ZNF407: variants seen among roughly 807,000 people sequenced by gnomAD.
ZNF407 encodes zinc finger protein 407.
ZNF407 carries 17 observed loss-of-function variants against 131.2 expected under a neutral mutation model. The ratio of observed to expected loss-of-function variants is 0.13; its 90% CI spans 0.09 to 0.19. The LOEUF is 0.19. Ranked by LOEUF, ZNF407 falls within the 10% of genes least tolerant of loss-of-function variation. The pLI is 1.00. For synonymous variants in ZNF407, 1,156 were observed against 1,062.0 expected (o/e 1.09, Z -1.72); for missense variants, 2,681 against 2,830.6 (o/e 0.95, Z 1.20).
intron 3 of ZNF407, among the ~76,000 whole-genome samples, chr18:74,747,648 A>G (rs1968700800): frequency 6.6e-6 from 1 of 152,092 alleles, no homozygotes; most frequent in African/African-American, 2.4e-5. Context: ...CATCATTGCT[A>G]TTATTTGCCA....
chr18:74,682,052 G>C (rs1215201838), intron 3 of ZNF407, among the ~76,000 whole-genome samples: 2 of 152,160 alleles, frequency 1.3e-5, no homozygotes, highest in Non-Finnish European at 2.9e-5. Flanking sequence ...AAGATTATGA[G>C]CCCTTTATTA....
At chr18:74,656,106 G>C (rs879944068) in intron 3 of ZNF407, among the ~76,000 whole-genome samples, 12 of 151,872 alleles carry the variant, frequency 7.9e-5, no homozygotes, top group Admixed American at 4.6e-4. Flanking sequence ...CATTATAATA[G>C]AGGCAGATTA....
chr18:74,722,573 G>C (rs1968065191), intron 3 of ZNF407, among the ~76,000 whole-genome samples: 1 of 152,104 alleles, frequency 6.6e-6, no homozygotes, highest in Non-Finnish European at 1.5e-5. Context: ...CCTTGGCACA[G>C]AGCTCCAGTT....
Position 74,698,472 on chromosome 18 carries a change from G to A in ZNF407, c.4802+57350G>A, listed in dbSNP as rs1967412985. Among the ~76,000 whole-genome samples the A allele has an allele frequency of 2.0e-5, 3 of 152,150 alleles. No homozygotes were observed. The South Asian group carries it at 6.2e-4, about 32-fold the overall frequency. ...TGAGCTGGTTATATGTATTATGTGT[G>A]TATGTTTGATGTTTGCATCTTTTAG... On this transcript the variant is annotated intron_variant, in intron 3 of 8. Coordinates refer to ENST00000299687, the MANE Select transcript of ZNF407 (RefSeq NM_017757.3).
At chr18:74,806,411 G>A (rs1002261783) in intron 4 of ZNF407, among the ~76,000 whole-genome samples, 34 of 152,202 alleles carry the variant, frequency 2.2e-4, no homozygotes, top group African/African-American at 7.2e-4. Flanking sequence ...ATGCCAATGG[G>A]GGGTTGTAGG....
intron 8 of ZNF407, among the ~76,000 whole-genome samples, chr18:74,961,618 G>C (rs1020149317): frequency 6.6e-6 from 1 of 152,014 alleles, no homozygotes; most frequent in Non-Finnish European, 1.5e-5. Flanking sequence ...TACTCGGGAG[G>C]CTGAGGTGGA....
At chr18:74,936,384 G>A (rs1211253896) in intron 8 of ZNF407, among the ~76,000 whole-genome samples, 1 of 152,118 alleles carries the variant, frequency 6.6e-6, no homozygotes, top group Admixed American at 6.5e-5. Flanking sequence ...TGGCCTAAAG[G>A]GTTTGATATA....
chr18:74,629,476 T>C (rs1983950197), intron 1 of ZNF407, among the ~76,000 whole-genome samples: 1 of 152,226 alleles, frequency 6.6e-6, no homozygotes, highest in South Asian at 2.1e-4. Flanking sequence ...CAAAAATGTG[T>C]TCCCATTCTG....
chr18:74,606,252 A>G (rs1347311589), intron 1 of ZNF407, among the ~76,000 whole-genome samples: 1 of 152,202 alleles, frequency 6.6e-6, no homozygotes, highest in Non-Finnish European at 1.5e-5. Flanking sequence ...AAATGCAGCA[A>G]TTGATTTGTA....
intron 1 of ZNF407, among the ~76,000 whole-genome samples, chr18:74,629,937 C>T (rs559638878): frequency 1.3e-5 from 2 of 152,206 alleles, no homozygotes; most frequent in South Asian, 4.1e-4. Flanking sequence ...ATTAATTCTA[C>T]TCTACCACTG....
At chr18:74,728,166 G>A (rs1442867901) in intron 3 of ZNF407, among the ~76,000 whole-genome samples, 1 of 152,138 alleles carries the variant, frequency 6.6e-6, no homozygotes, top group Non-Finnish European at 1.5e-5. Flanking sequence ...TATAGCAATG[G>A]GGATGGAAAG....
chr18:75,036,935 G>A (rs1286555096), intron 8 of ZNF407, among the ~76,000 whole-genome samples: 2 of 152,200 alleles, frequency 1.3e-5, no homozygotes, highest in East Asian at 3.8e-4. Flanking sequence ...TCTTAGGAAG[G>A]AAGAGGGAAA....
rs772387888 is a variant in ZNF407 at position 75,064,227 on chromosome 18, A to G, written c.6506A>G (p.His2169Arg). 6.8e-6 allele frequency: 11 copies of G among 1,607,278 alleles called. No individual in the cohort carries two copies. The highest frequency in any genetic ancestry group is 3.4e-5 in the Admixed American group (2 of 59,520). The change falls in exon 9 of 9, where the codon CAC becomes CGC. Residue 2169 changes from histidine (H) to arginine (R), a missense_variant. Around this residue, in one of 6 missense-constraint regions of ZNF407, gnomAD observed 620 missense variants for 583.1 expected, o/e 1.06. Transcript: ENST00000299687. ...SSGGFSEGTTHYILTELPPGV... is the reference protein window; with the variant it reads ...SSGGFSEGTTRYILTELPPGV... ...GGCGGCTTCTCCGAGGGCACCACGCACTACATCCTGACAGAGCTGCCCCCA... is the reference window on the plus strand; with the variant it reads ...GGCGGCTTCTCCGAGGGCACCACGCGCTACATCCTGACAGAGCTGCCCCCA...
chr18:75,054,774 A>G (rs563094035), intron 8 of ZNF407, among the ~76,000 whole-genome samples: 1 of 152,362 alleles, frequency 6.6e-6, no homozygotes, highest in African/African-American at 2.4e-5. Context: ...TAAGTCAAAC[A>G]GAGGCAGCCT....
chr18:74,618,098 C>T (rs1251984747), intron 1 of ZNF407, among the ~76,000 whole-genome samples: 8 of 152,246 alleles, frequency 5.3e-5, no homozygotes, highest in East Asian at 1.9e-4. Context: ...TTAATGGGAC[C>T]GCATTATTTG....
intron 8 of ZNF407, among the ~76,000 whole-genome samples, chr18:75,049,258 G>A (rs994576448): frequency 1.3e-5 from 2 of 152,102 alleles, no homozygotes; most frequent in Admixed American, 6.5e-5. Context: ...TAGTATGTTG[G>A]GTGGCTAAGA....
Position 74,635,040 on chromosome 18 carries a change from A to G in ZNF407, c.4021A>G (p.Ile1341Val). The change falls in exon 2 of 9, where the codon ATT becomes GTT. Residue 1341 changes from isoleucine to valine, a missense_variant. This residue lies in a region of ZNF407 where 1,789 missense variants were observed against 1,748.7 expected (regional missense o/e 1.02). Coordinates refer to ENST00000299687, the MANE Select transcript of ZNF407 (RefSeq NM_017757.3). This position sits in a 1 kb window ranked among gnomAD's most constrained non-coding sequence, Gnocchi z 4.7. Reference sequence around the variant, plus strand: ...AAGTAGTGATGTCTATGAAACTATAATTAGTATTGATGATAAAGGGCAGGC... The same window carrying G: ...AAGTAGTGATGTCTATGAAACTATAGTTAGTATTGATGATAAAGGGCAGGC... ...VESSDVYETI[I>V]SIDDKGQAMY... The G allele has an allele frequency of 6.2e-7, 1 of 1,613,954 alleles. No individual in the cohort carries two copies. Among genetic ancestry groups the G allele is most frequent in the Non-Finnish European group, 8.5e-7 (1 of 1,179,886 alleles).
At chr18:74,904,091 G>T (rs1282361548) in intron 7 of ZNF407, among the ~76,000 whole-genome samples, 1 of 152,154 alleles carries the variant, frequency 6.6e-6, no homozygotes, top group Non-Finnish European at 1.5e-5. Flanking sequence ...TATCCTGCTG[G>T]ATTATTTCTA....
chr18:74,711,647 T>C (rs1263280459), intron 3 of ZNF407, among the ~76,000 whole-genome samples: 1 of 152,192 alleles, frequency 6.6e-6, no homozygotes, highest in Non-Finnish European at 1.5e-5. Flanking sequence ...TTTACTAAGT[T>C]TGTAGTAATT....
Sources: gnomAD v4.1 joint callset for allele counts (sites outside exome capture counted in the v4.1 genomes callset) on GRCh38, gnomAD v4.1.1 for gene constraint, gnomAD v4.1.1 regional missense constraint, Gnocchi (gnomAD v3.1) non-coding constraint, MANE v1.5 for transcripts, NCBI Gene and HGNC (gene_info 2026-07-23, HGNC 2026-07-21) for gene names.